The following GRIN2A variants were observed in gnomAD, a reference collection of about 807,000 sequenced individuals.
The protein encoded by GRIN2A is glutamate receptor ionotropic, NMDA 2A.
Under a neutral mutation model 113.4 loss-of-function variants are expected in GRIN2A, and 22 were observed. The observed-to-expected ratio is 0.19, with a 90% CI of 0.14 to 0.28. The LOEUF (loss-of-function observed/expected upper bound fraction) is 0.28, where lower values mean the gene tolerates loss of function less well. Ranked by LOEUF, GRIN2A falls within the 10% of genes least tolerant of loss-of-function variation. The pLI is 1.00. For synonymous variants in GRIN2A, 827 were observed against 738.4 expected, an observed-to-expected ratio of 1.12 and a Z score of -1.94; for missense variants, 1,502 against 1,887.0, an observed-to-expected ratio of 0.80 and a Z score of 3.78.
chr16:9,900,247 G>A lies in GRIN2A; in HGVS notation c.1008-9147C>T, dbSNP rs145969107. On this transcript the variant is annotated intron_variant, in intron 3 of 12. Coordinates refer to ENST00000330684, the MANE Select transcript of GRIN2A (RefSeq NM_001134407.3). ...CCCCGAAGGGAGGCAATGAGAGCTC[G>A]TCTAGGCCCTACCCCAAGGAGAGAG... Among the ~76,000 whole-genome samples, 1,228 of 152,258 alleles carry A rather than the reference G, an allele frequency of 8.1e-3. 6 individuals are homozygous for A. Among genetic ancestry groups the A allele is most frequent in the Middle Eastern group, 0.014 (4 of 294 alleles).
chr16:10,140,383 G>A (rs2049301077), intron 2 of GRIN2A, among the ~76,000 whole-genome samples: 1 of 152,128 alleles, frequency 6.6e-6, no homozygotes. Context: ...CAAAGATTTG[G>A]AAACTGGGTT....
intron 2 of GRIN2A, among the ~76,000 whole-genome samples, chr16:10,062,900 G>T (rs749343840): frequency 6.6e-6 from 1 of 151,840 alleles, no homozygotes; most frequent in Non-Finnish European, 1.5e-5. Flanking sequence ...AAAAACATTG[G>T]GTTAGCAAAA....
chr16:9,851,645 G>A (rs1260234119), intron 4 of GRIN2A, among the ~76,000 whole-genome samples: 1 of 152,094 alleles, frequency 6.6e-6, no homozygotes, highest in African/African-American at 2.4e-5. Flanking sequence ...CACAACCTTC[G>A]AGAGAGGGTG....
chr16:10,015,273 A>AAAAAAAAAAAAAAAAAAAAAAAG (rs2046586801), intron 2 of GRIN2A, among the ~76,000 whole-genome samples: 1 of 107,168 alleles, frequency 9.3e-6, no homozygotes, highest in Admixed American at 8.8e-5. Flanking sequence ...AAAAAAAAAG[A>AAAAAAAAAAAAAAAAAAAAAAAG]AAAAAAAAAA....
intron 5 of GRIN2A, among the ~76,000 whole-genome samples, chr16:9,843,215 T>C (rs947037730): frequency 1.3e-5 from 2 of 152,094 alleles, no homozygotes; most frequent in Non-Finnish European, 2.9e-5. Context: ...CCCCAAATTA[T>C]CTAGTAAGTA....
rs148268520 is a variant in GRIN2A, at chr16:9,821,912, A to C, written c.2168+352T>G. Among the ~76,000 whole-genome samples, 84 of 152,244 alleles carry C rather than the reference A, an allele frequency of 5.5e-4. No homozygotes were observed. The East Asian group carries it at 0.016, about 29-fold the overall frequency. On this transcript the variant is annotated intron_variant, in intron 10 of 12. Transcript: ENST00000330684. ...CACACTCAGAAAACCTCCTACCTAA[A>C]ATCTGATAAAAATCTTTGTTTTCAC...
At chr16:10,071,259 T>C (rs1296500688) in intron 2 of GRIN2A, among the ~76,000 whole-genome samples, 2 of 152,212 alleles carry the variant, frequency 1.3e-5, no homozygotes, top group African/African-American at 4.8e-5. Context: ...ATTCGGAACA[T>C]TCTATTAGCA....
chr16:9,942,142 T>G (rs1292350546), intron 2 of GRIN2A, among the ~76,000 whole-genome samples: 9 of 152,202 alleles, frequency 5.9e-5, no homozygotes, highest in Non-Finnish European at 1.5e-5. Flanking sequence ...CACTCTGGAC[T>G]TGGAGCATCT....
chr16:9,987,195 A>G (rs1416868296), intron 2 of GRIN2A, among the ~76,000 whole-genome samples: 5 of 152,328 alleles, frequency 3.3e-5, no homozygotes, highest in Admixed American at 3.3e-4. Flanking sequence ...ACTAATTATG[A>G]AAAAACAGAA....
At chr16:10,019,109 A>G (rs918870096) in intron 2 of GRIN2A, among the ~76,000 whole-genome samples, 1 of 83,618 alleles carries the variant, frequency 1.2e-5, no homozygotes, top group Non-Finnish European at 3.0e-5. Flanking sequence ...CCTTGAGCAA[A>G]TTGCAGGATC....
chr16:9,939,588 T>A (rs1313201006), intron 2 of GRIN2A, among the ~76,000 whole-genome samples: 2 of 152,154 alleles, frequency 1.3e-5, no homozygotes, highest in African/African-American at 4.8e-5. Context: ...CAAACTGCCT[T>A]CATACCCCCT....
In GRIN2A at chr16:9,764,036, T is replaced by G. The variant is rs1453534484; in HGVS notation, c.3508A>C (p.Asn1170His). ...AGCCCCTCTTCATTATGCAAGGGGT[T>G]CCGGTTCATTGGCAGCGTGGAGTCC... Reference protein sequence around the residue: ...KGDSTLPMNRNPLHNEEGLSN... With the variant: ...KGDSTLPMNRHPLHNEEGLSN... Residue 1170 changes from asparagine to histidine, a missense_variant, in exon 13 of 13, where the codon AAC becomes CAC. Physicochemically the swap from Asn to His is moderately conservative, Grantham distance 68. Coordinates refer to ENST00000330684, the MANE Select transcript of GRIN2A (RefSeq NM_001134407.3). The G allele has an allele frequency of 6.2e-7, 1 of 1,614,052 alleles. No homozygotes were observed. Among genetic ancestry groups the G allele is most frequent in the South Asian group, 1.1e-5 (1 of 91,080 alleles).
At chr16:9,872,614 A>T (rs556458522) in intron 4 of GRIN2A, among the ~76,000 whole-genome samples, 2 of 152,314 alleles carry the variant, frequency 1.3e-5, no homozygotes, top group East Asian at 3.9e-4. Context: ...AAAATGTGGT[A>T]TATATACACA....
At chr16:10,092,366 G>A (rs970353402) in intron 2 of GRIN2A, among the ~76,000 whole-genome samples, 4 of 152,170 alleles carry the variant, frequency 2.6e-5, no homozygotes, top group African/African-American at 9.7e-5. Flanking sequence ...ATGCAATGTT[G>A]TGTGAGGTCT....
intron 2 of GRIN2A, among the ~76,000 whole-genome samples, chr16:9,994,788 C>G (rs1022519062): frequency 2.6e-5 from 4 of 152,214 alleles, no homozygotes; most frequent in African/African-American, 9.6e-5. Flanking sequence ...TCCATTGGAA[C>G]TCCTTTACCC....
Position 10,180,387 on chromosome 16 carries a change from G to T in GRIN2A, c.25C>A (p.Leu9Met), listed in dbSNP as rs1364379971. The change falls in exon 2 of 13, where the codon CTG becomes ATG. Residue 9 changes from leucine (L) to methionine (M), a missense_variant. Around this residue, in one of 7 missense-constraint regions of GRIN2A, gnomAD observed 149 missense variants for 179.1 expected, o/e 0.83. Coordinates refer to ENST00000330684, the MANE Select transcript of GRIN2A (RefSeq NM_001134407.3). This position sits in a 1 kb window ranked among gnomAD's most constrained non-coding sequence, Gnocchi z 7.0. ...ACCAGAAGGGCCGGCAGCACCAGCAGGGTCCAATAGCCCACTCTGCCCATA... is the reference window on the plus strand; with the variant it reads ...ACCAGAAGGGCCGGCAGCACCAGCATGGTCCAATAGCCCACTCTGCCCATA... MGRVGYWT[L>M]LVLPALLVWR... 1.2e-6 allele frequency: 2 copies of T among 1,607,330 alleles called. No homozygotes were observed.
At chr16:9,838,807 A>G (rs1371345610) in intron 7 of GRIN2A, among the ~76,000 whole-genome samples, 3 of 152,148 alleles carry the variant, frequency 2.0e-5, no homozygotes, top group Non-Finnish European at 2.9e-5. Context: ...GTTTTTCAAG[A>G]ATGGAAAATC....
chr16:9,806,334 G>A (rs2041965910), intron 10 of GRIN2A, among the ~76,000 whole-genome samples: 1 of 152,144 alleles, frequency 6.6e-6, no homozygotes, highest in African/African-American at 2.4e-5. Context: ...TCCAAAATTA[G>A]CTAAGAAGAT....
chr16:10,092,087 C>T (rs1253776217), intron 2 of GRIN2A, among the ~76,000 whole-genome samples: 3 of 152,178 alleles, frequency 2.0e-5, no homozygotes, highest in Non-Finnish European at 4.4e-5. Context: ...TAGTCATCTG[C>T]ATGCCTTGAT....
Sources: gnomAD v4.1 joint callset for allele counts (sites outside exome capture counted in the v4.1 genomes callset) on GRCh38, gnomAD v4.1.1 for gene constraint, gnomAD v4.1.1 regional missense constraint, Gnocchi (gnomAD v3.1) non-coding constraint, MANE v1.5 for transcripts, NCBI Gene and HGNC (gene_info 2026-07-23, HGNC 2026-07-21) for gene names.